GLI3: variants seen among roughly 807,000 people sequenced by gnomAD.
GLI3 encodes transcription activator GLI3.
In GLI3, 20 loss-of-function variants were observed where a neutral mutation model predicts 100.8. The observed-to-expected ratio is 0.20, with a 90% confidence interval of 0.14 to 0.29. GLI3 has a LOEUF of 0.29. GLI3 is among the 10% of genes least tolerant of loss of function. The probability of loss-of-function intolerance (pLI) is 1.00; values close to 1 mark genes in which losing one functional copy is unlikely to be tolerated. For missense variants in GLI3, 2,040 were observed against 2,128.5 expected (o/e 0.96, Z 0.82); for synonymous variants, 938 against 860.5 (o/e 1.09, Z -1.58).
intron 10 of GLI3, among the ~76,000 whole-genome samples, chr7:41,999,643 T>C (rs1451948891): frequency 6.6e-6 from 1 of 152,170 alleles, no homozygotes; most frequent in African/African-American, 2.4e-5. Context: ...CGCCGATGGA[T>C]ATGTGGTCCT....
intron 2 of GLI3, among the ~76,000 whole-genome samples, chr7:42,189,743 T>A (rs1373253894): frequency 1.3e-5 from 2 of 151,954 alleles, no homozygotes; most frequent in East Asian, 3.9e-4. Flanking sequence ...CTTGACAGAG[T>A]GCTGGAGTAA....
chr7:41,981,463 A>G (rs1042481071), intron 10 of GLI3, among the ~76,000 whole-genome samples: 5 of 152,188 alleles, frequency 3.3e-5, no homozygotes, highest in Non-Finnish European at 7.3e-5. Context: ...TACTCAAGGG[A>G]GCAGGGGTGG....
rs1234437698 is a variant in GLI3 at position 41,962,258 on chromosome 7, A to G, written c.*2072T>C. 2.6e-5 allele frequency: 4 copies of G among 152,240 alleles called. No homozygotes were observed. Among genetic ancestry groups the G allele is most frequent in the Admixed American group, 2.6e-4 (4 of 15,286 alleles). 9.4% of individuals were successfully genotyped at this position (152,240 alleles called of 1,614,324 possible). On this transcript the variant is annotated 3_prime_UTR_variant, in exon 15 of 15. Transcript: ENST00000395925. ...ACTCAGGCCCCATGCTTTGAAAACA[A>G]GAGTTGGAAAGGGATTGAACCAAAC...
At chr7:42,075,187 G>T (rs1343641799) in intron 4 of GLI3, among the ~76,000 whole-genome samples, 2 of 152,166 alleles carry the variant, frequency 1.3e-5, no homozygotes, top group Non-Finnish European at 2.9e-5. Context: ...AAACTATAAT[G>T]AATGCAGAGG....
chr7:42,105,353 A>C (rs762314109), intron 3 of GLI3, among the ~76,000 whole-genome samples: 1 of 152,202 alleles, frequency 6.6e-6, no homozygotes, highest in Admixed American at 6.5e-5. Context: ...TTTATCACCC[A>C]AAGTATGTTT....
chr7:42,076,539 C>A lies in GLI3; in HGVS notation c.473+213G>T, dbSNP rs145651923. Among the ~76,000 whole-genome samples, 110 of 152,274 alleles carry A rather than the reference C, an allele frequency of 7.2e-4. 2 individuals carry two copies. In the East Asian group the frequency reaches 0.017, roughly 24 times the overall value. ...AGCAAAATATATAGGAAATACTTGT[C>A]GGCGACCTAGTGTGACAGGCATTCC... On this transcript the variant is annotated intron_variant, in intron 4 of 14. Transcript: ENST00000395925.
In GLI3 at chr7:41,972,175, G is replaced by A. The variant is rs1385243014; in HGVS notation, c.2103+162C>T. Among the ~76,000 whole-genome samples the A allele has an allele frequency of 6.6e-6, 1 of 152,162 alleles. No individual in the cohort carries two copies. The highest frequency in any genetic ancestry group is 1.5e-5 in the Non-Finnish European group (1 of 68,020). Reference sequence around the variant, plus strand: ...AACCTGGAAACTCTTTTTCTGAGCTGATCGACTTCACGTAAGCAATACGGG... The same window carrying A: ...AACCTGGAAACTCTTTTTCTGAGCTAATCGACTTCACGTAAGCAATACGGG... On this transcript the variant is annotated intron_variant, in intron 13 of 14. Coordinates refer to ENST00000395925, the MANE Select transcript of GLI3 (RefSeq NM_000168.6). The surrounding 1 kb of genome is among the most constrained non-coding windows in gnomAD (Gnocchi z 4.4).
intron 1 of GLI3, among the ~76,000 whole-genome samples, chr7:42,232,013 T>A (rs1562795132): frequency 1.3e-5 from 2 of 152,132 alleles, no homozygotes; most frequent in Non-Finnish European, 2.9e-5. Flanking sequence ...AAAAGTGCAC[T>A]TATCCCCCAT....
At chr7:42,262,136 C>A (rs191074607) in intron 1 of GLI3, among the ~76,000 whole-genome samples, 4 of 151,654 alleles carry the variant, frequency 2.6e-5, no homozygotes, top group African/African-American at 9.7e-5. Flanking sequence ...CGGTTCACTG[C>A]AGGCTCAACC....
chr7:42,219,458 T>A (rs1788440000), intron 2 of GLI3, among the ~76,000 whole-genome samples: 1 of 152,114 alleles, frequency 6.6e-6, no homozygotes, highest in Non-Finnish European at 1.5e-5. Context: ...TACAACACAG[T>A]TTTTCACTTG....
At chr7:42,218,803 G>T (rs1172476327) in intron 2 of GLI3, among the ~76,000 whole-genome samples, 1 of 152,038 alleles carries the variant, frequency 6.6e-6, no homozygotes, top group Non-Finnish European at 1.5e-5. Flanking sequence ...TCTGATAAAA[G>T]ATCCCCAAGA....
At chr7:42,083,172 A>G (rs1470376924) in intron 3 of GLI3, among the ~76,000 whole-genome samples, 1 of 152,114 alleles carries the variant, frequency 6.6e-6, no homozygotes, top group Non-Finnish European at 1.5e-5. Flanking sequence ...CCCATTAACC[A>G]TTCCCACTCC....
chr7:42,154,254 C>G (rs1464337117), intron 2 of GLI3, among the ~76,000 whole-genome samples: 1 of 152,122 alleles, frequency 6.6e-6, no homozygotes, highest in South Asian at 2.1e-4. Flanking sequence ...ACGTGGAGGA[C>G]CCGCACAGGT....
At chr7:42,048,008 G>T (rs1784279735) in intron 5 of GLI3, among the ~76,000 whole-genome samples, 1 of 152,202 alleles carries the variant, frequency 6.6e-6, no homozygotes, top group Admixed American at 6.5e-5. Context: ...ACACACTAGA[G>T]TTTGGGAAGC....
intron 4 of GLI3, among the ~76,000 whole-genome samples, chr7:42,055,114 C>CAT (rs1164515180): frequency 8.5e-6 from 1 of 117,608 alleles, no homozygotes; most frequent in Non-Finnish European, 1.8e-5. Flanking sequence ...TGTATATATA[C>CAT]ACATATATAT....
chr7:42,098,787 C>T (rs376514314), intron 3 of GLI3, among the ~76,000 whole-genome samples: 2 of 152,062 alleles, frequency 1.3e-5, no homozygotes, highest in South Asian at 2.1e-4. Flanking sequence ...CAAGAGAAAA[C>T]GGAAATAAAA....
At chr7:41,971,833 C>G (rs891970546) in intron 13 of GLI3, among the ~76,000 whole-genome samples, 2 of 152,248 alleles carry the variant, frequency 1.3e-5, no homozygotes, top group Non-Finnish European at 2.9e-5. Context: ...ATGGCTTCCT[C>G]TGCCCCGACT....
At chr7:42,200,695 T>C (rs1318292720) in intron 2 of GLI3, among the ~76,000 whole-genome samples, 1 of 152,120 alleles carries the variant, frequency 6.6e-6, no homozygotes, top group East Asian at 1.9e-4. Context: ...GCAATTCCTG[T>C]TATGAGAAGG....
intron 3 of GLI3, among the ~76,000 whole-genome samples, chr7:42,140,982 A>C (rs1786555307): frequency 6.6e-6 from 1 of 152,204 alleles, no homozygotes; most frequent in African/African-American, 2.4e-5. Context: ...AATCACAAGC[A>C]ACTACTAAAA....
Sources: allele counts gnomAD v4.1 joint callset (sites outside exome capture counted in the v4.1 genomes callset), GRCh38; gene constraint gnomAD v4.1.1; non-coding constraint Gnocchi (gnomAD v3.1); transcripts MANE v1.5; gene names NCBI Gene and HGNC (gene_info 2026-07-23, HGNC 2026-07-21).